Variants in MYH9 observed in about 807,000 individuals in gnomAD.
MYH9 encodes myosin-9.
Under a neutral mutation model 241.9 loss-of-function variants are expected in MYH9, and 29 were observed. The observed-to-expected ratio is 0.12, with a 90% CI of 0.09 to 0.16. The LOEUF is 0.16. Among genes scored for constraint, MYH9 ranks in the 10% least tolerant of loss-of-function variants. MYH9 has a pLI of 1.00. For missense variants in MYH9, 1,803 were observed against 2,595.5 expected, an observed-to-expected ratio of 0.69 and a Z score of 6.63; for synonymous variants, 1,047 against 1,062.6, an observed-to-expected ratio of 0.99 and a Z score of 0.29.
At chr22:36,328,502 T>C (rs1276065720) in intron 3 of MYH9, among the ~76,000 whole-genome samples, 1 of 152,258 alleles carries the variant, frequency 6.6e-6, no homozygotes, top group Non-Finnish European at 1.5e-5. Flanking sequence ...ATATTTGAGC[T>C]GCAGTGAGGT....
In MYH9 at chr22:36,296,932, G is replaced by C. The variant is rs778202463; in HGVS notation, c.3183C>G (p.Ser1061Arg). ...GGGCCTGGAGCTCGGCGATCTGGTC[G>C]CTGAGGTCTGTGGAGTCTCCCTCCA... ...RKLEGDSTDL[S>R]DQIAELQAQI... Residue 1061 changes from serine to arginine, a missense_variant, in exon 25 of 41, where the codon AGC (serine) becomes AGG (arginine). Physicochemically the swap from Ser to Arg is moderately radical, Grantham distance 110. Transcript: ENST00000216181. 1 of 1,613,896 alleles carries C rather than the reference G, an allele frequency of 6.2e-7. No individual in the cohort carries two copies. The highest frequency in any genetic ancestry group is 1.7e-5 in the Admixed American group (1 of 60,008).
At chr22:36,370,672 G>C (rs1020270494) in intron 1 of MYH9, among the ~76,000 whole-genome samples, 3 of 152,214 alleles carry the variant, frequency 2.0e-5, no homozygotes, top group South Asian at 4.1e-4. Context: ...TTAACAGAGG[G>C]GAGGAGCCAC....
rs2017389694 is a variant in MYH9 at position 36,329,539 on chromosome 22, CT to C, written c.491-2052del. Among the ~76,000 whole-genome samples, 1 of 152,216 alleles carries C rather than the reference CT, an allele frequency of 6.6e-6. No individual in the cohort carries two copies. Among genetic ancestry groups the C allele is most frequent in the Non-Finnish European group, 1.5e-5 (1 of 68,034 alleles). ...AGCTGTGGGCATGTTTAGTCACCGG[CT>C]CTACTAGCAGGCAAGAATGTACCTG... On this transcript the variant is annotated intron_variant, in intron 3 of 40. Transcript: ENST00000216181. The surrounding 1 kb of genome is among the most constrained non-coding windows in gnomAD (Gnocchi z 4.1).
chr22:36,386,316 G>C (rs2018350142), intron 1 of MYH9, among the ~76,000 whole-genome samples: 1 of 151,022 alleles, frequency 6.6e-6, no homozygotes. Flanking sequence ...TTAAATATTT[G>C]CTCAATTACA....
chr22:36,369,754 G>C (rs2018063021), intron 1 of MYH9, among the ~76,000 whole-genome samples: 1 of 152,208 alleles, frequency 6.6e-6, no homozygotes, highest in South Asian at 2.1e-4. Context: ...GTTGAAGTGG[G>C]ATGAGAAGGC....
At chr22:36,374,337 T>C (rs1026640494) in intron 1 of MYH9, among the ~76,000 whole-genome samples, 4 of 152,132 alleles carry the variant, frequency 2.6e-5, no homozygotes, top group African/African-American at 9.7e-5. Flanking sequence ...CTGGCCAACA[T>C]GACAAAACCC....
intron 1 of MYH9, among the ~76,000 whole-genome samples, chr22:36,350,975 C>T (rs2017755706): frequency 6.6e-6 from 1 of 152,168 alleles, no homozygotes; most frequent in South Asian, 2.1e-4. Flanking sequence ...CAGGAAGTCC[C>T]CAGATCCAAA....
At chr22:36,385,202 T>C (rs914894332) in intron 1 of MYH9, among the ~76,000 whole-genome samples, 1 of 151,960 alleles carries the variant, frequency 6.6e-6, no homozygotes, top group Non-Finnish European at 1.5e-5. Context: ...TGCTTTGGGT[T>C]TCTCTTTCTC....
At chr22:36,341,559 A>T in intron 2 of MYH9, 33 bp from the exon 3 acceptor site, 1 of 1,610,660 alleles carries the variant, frequency 6.2e-7, no homozygotes, top group Non-Finnish European at 8.5e-7. Context: ...GGAACAGGTT[A>T]GGAAGTTTGA....
intron 7 of MYH9, 107 bp downstream of exon 7, chr22:36,321,651 G>A: frequency 9.6e-7 from 1 of 1,039,414 alleles, no homozygotes; most frequent in Middle Eastern, 2.0e-4. Context: ...TGTCAGGATG[G>A]GCCCATAAAG....
chr22:36,305,780 G>T lies in MYH9; in HGVS notation c.2159+150C>A. 9.0e-7 allele frequency: 1 copy of T among 1,105,968 alleles called. No individual in the cohort carries two copies. The highest frequency in any genetic ancestry group is 1.4e-6 in the Non-Finnish European group (1 of 736,772). The allele number at this position is 1,105,968 out of a possible 1,614,324, so 68.5% of individuals were successfully genotyped here. ...TGCAAAGGGTGGAAAAGAGAAGGAGGTGGGGAAGAGCTGGCCAGACTCAGT... is the reference window on the plus strand; with the variant it reads ...TGCAAAGGGTGGAAAAGAGAAGGAGTTGGGGAAGAGCTGGCCAGACTCAGT... On this transcript the variant is annotated intron_variant, in intron 17 of 40. Transcript: ENST00000216181. The surrounding 1 kb of genome is among the most constrained non-coding windows in gnomAD (Gnocchi z 4.7).
rs9610494 is a variant in MYH9, at chr22:36,341,023, G to T, written c.490+347C>A. 7.3e-3 allele frequency among the ~76,000 whole-genome samples: 1,102 copies of T among 151,976 alleles called. 12 individuals carry two copies. The highest frequency in any genetic ancestry group is 0.024 in the African/African-American group (979 of 41,280). On this transcript the variant is annotated intron_variant, in intron 3 of 40. Transcript: ENST00000216181. ...TAGACTGTGGGGAAGAAGCAAGAAA[G>T]GAAGAGGGAAAAACACAAAGGGAAG... is the stretch of plus-strand genomic sequence containing the variant.
intron 1 of MYH9, among the ~76,000 whole-genome samples, chr22:36,368,045 A>C (rs2018037348): frequency 6.6e-6 from 1 of 152,206 alleles, no homozygotes; most frequent in Non-Finnish European, 1.5e-5. Context: ...ACCCCAGAGG[A>C]TGCTGGGATA....
intron 1 of MYH9, among the ~76,000 whole-genome samples, chr22:36,371,527 T>A (rs1004022241): frequency 6.6e-6 from 1 of 151,718 alleles, no homozygotes; most frequent in Admixed American, 6.6e-5. Context: ...GCCTGAGCAA[T>A]TTTTTTTTAT....
chr22:36,305,835 A>C lies in MYH9; in HGVS notation c.2159+95T>G, dbSNP rs1053539482. The C allele has an allele frequency of 3.2e-6, 5 of 1,571,170 alleles. No individual in the cohort carries two copies. Among genetic ancestry groups the C allele is most frequent in the Middle Eastern group, 2.1e-4 (1 of 4,808 alleles). On this transcript the variant is annotated intron_variant, in intron 17 of 40. Coordinates refer to ENST00000216181, the MANE Select transcript of MYH9 (RefSeq NM_002473.6). This position sits in a 1 kb window ranked among gnomAD's most constrained non-coding sequence, Gnocchi z 4.7. Reference sequence around the variant, plus strand: ...CATGGATGGAGGACGTCGCTCCCTCACGACAGGATCCTGCCAGGGAGCAGC... The same window carrying C: ...CATGGATGGAGGACGTCGCTCCCTCCCGACAGGATCCTGCCAGGGAGCAGC...
chr22:36,294,936 T>G lies in MYH9; in HGVS notation c.3626A>C (p.Lys1209Thr). ...EELAEQLEQT[K>T]RVKANLEKAK... ...GGTCTCAGGGAGGCTCCGCACCCGC[T>G]TCGTCTGCTCCAGCTGCTCCGCCAG... is the stretch of plus-strand genomic sequence containing the variant. Residue 1209 changes from lysine (K) to threonine (T), a missense_variant, in exon 27 of 41, where the codon AAG (lysine) becomes ACG (threonine). Around this residue, in one of 11 missense-constraint regions of MYH9, gnomAD observed 876 missense variants for 1,077.8 expected, o/e 0.81. Transcript: ENST00000216181. 1.9e-6 allele frequency: 3 copies of G among 1,613,174 alleles called. No homozygotes were observed. The highest frequency in any genetic ancestry group is 2.5e-6 in the Non-Finnish European group (3 of 1,179,998).
chr22:36,325,194 C>A, intron 5 of MYH9: 2 of 700,984 alleles, frequency 2.9e-6, no homozygotes, highest in South Asian at 3.1e-5. Context: ...GAGAGGGAGA[C>A]AGAAGAAAAG....
At chr22:36,327,772 C>T (rs1286734423) in intron 3 of MYH9, among the ~76,000 whole-genome samples, 4 of 152,214 alleles carry the variant, frequency 2.6e-5, no homozygotes, top group African/African-American at 9.7e-5. Flanking sequence ...CTTAGAGGAA[C>T]TAGTGTGTGG....
chr22:36,349,242 C>T lies in MYH9; in HGVS notation c.-6G>A. The T allele has an allele frequency of 6.2e-7, 1 of 1,613,966 alleles. No homozygotes were observed. The highest frequency in any genetic ancestry group is 8.5e-7 in the Non-Finnish European group (1 of 1,179,978). On this transcript the variant is annotated 5_prime_UTR_variant, in exon 2 of 41. Coordinates refer to ENST00000216181, the MANE Select transcript of MYH9 (RefSeq NM_002473.6). ...TCGGCAGCTTGCTGTGCCATGGTGA[C>T]TTATAGCCAGGACCTAAGCGGGGAG...
Sources: allele counts gnomAD v4.1 joint callset (sites outside exome capture counted in the v4.1 genomes callset), GRCh38; gene constraint gnomAD v4.1.1; regional missense constraint gnomAD v4.1.1; non-coding constraint Gnocchi (gnomAD v3.1); transcripts MANE v1.5; gene names NCBI Gene and HGNC (gene_info 2026-07-23, HGNC 2026-07-21).